The following CADM2 variants were observed in gnomAD, a reference collection of about 807,000 sequenced individuals.
CADM2 encodes the protein cell adhesion molecule 2, also known as immunoglobulin superfamily member 4D.
Under a neutral mutation model 49.8 loss-of-function variants are expected in CADM2, and 12 were observed. The observed-to-expected ratio is 0.24, with a 90% confidence interval of 0.15 to 0.39. The LOEUF (loss-of-function observed/expected upper bound fraction) is 0.39. Among genes scored for constraint, CADM2 ranks in the 10% least tolerant of loss-of-function variants. CADM2 has a pLI of 1.00. For synonymous variants in CADM2, 214 were observed against 175.4 expected (o/e 1.22, Z -1.74); for missense variants, 378 against 492.3 (o/e 0.77, Z 2.20).
intron 2 of CADM2, among the ~76,000 whole-genome samples, chr3:85,728,981 GA>G (rs1320132675): frequency 6.6e-6 from 1 of 152,090 alleles, no homozygotes; most frequent in Non-Finnish European, 1.5e-5. Flanking sequence ...CAGTAGCATA[GA>G]CATAATATAC....
At chr3:85,063,953 C>G (rs1195182310) in intron 1 of CADM2, among the ~76,000 whole-genome samples, 2 of 152,086 alleles carry the variant, frequency 1.3e-5, no homozygotes, top group African/African-American at 4.8e-5. Flanking sequence ...GGTCCCCTCC[C>G]CAGTAGGTTT....
At chr3:85,403,556 ATGCATGGTGAGATCT>A (rs1211573338) in intron 1 of CADM2, among the ~76,000 whole-genome samples, 1 of 152,264 alleles carries the variant, frequency 6.6e-6, no homozygotes, top group East Asian at 1.9e-4. Flanking sequence ...ATACAGAGAC[ATGCATGGTGAGATCT>A]TGCTCTTAAT....
chr3:85,933,195 TAAC>T (rs996858077), intron 6 of CADM2, among the ~76,000 whole-genome samples: 1 of 151,984 alleles, frequency 6.6e-6, no homozygotes, highest in African/African-American at 2.4e-5. Flanking sequence ...GCCTAGGAAA[TAAC>T]ACCTCCTCAC....
At chr3:85,898,736 A>G (rs149969763) in intron 5 of CADM2, among the ~76,000 whole-genome samples, 2 of 151,540 alleles carry the variant, frequency 1.3e-5, no homozygotes, top group African/African-American at 4.8e-5. Context: ...CAGGTTGTTT[A>G]TAGTTTGCAG....
intron 8 of CADM2, among the ~76,000 whole-genome samples, chr3:86,062,028 T>C (rs1228494411): frequency 6.6e-6 from 1 of 151,894 alleles, no homozygotes; most frequent in Admixed American, 6.6e-5. Flanking sequence ...GCAATGTACA[T>C]TGACAATATT....
intron 8 of CADM2, among the ~76,000 whole-genome samples, chr3:86,023,063 C>T (rs950192134): frequency 6.6e-5 from 10 of 152,106 alleles, no homozygotes; most frequent in African/African-American, 1.2e-4. Flanking sequence ...TTTTTTACTT[C>T]ATTTTACCCA....
intron 1 of CADM2, among the ~76,000 whole-genome samples, chr3:85,134,713 C>A (rs1427782025): frequency 6.6e-6 from 1 of 151,814 alleles, no homozygotes; most frequent in Non-Finnish European, 1.5e-5. Flanking sequence ...AATCGATTGT[C>A]CACCAAAGAT....
intron 3 of CADM2, among the ~76,000 whole-genome samples, chr3:85,820,703 G>A (rs981915645): frequency 2.0e-5 from 3 of 152,068 alleles, no homozygotes; most frequent in Admixed American, 2.0e-4. Context: ...TTACATGATA[G>A]CCAATTGGGT....
At chr3:85,939,444 T>C (rs1721566441) in intron 7 of CADM2, among the ~76,000 whole-genome samples, 1 of 136,266 alleles carries the variant, frequency 7.3e-6, no homozygotes, top group African/African-American at 2.7e-5. Context: ...GGCAGCAGCA[T>C]TCTCCATTTT....
intron 1 of CADM2, among the ~76,000 whole-genome samples, chr3:85,413,161 A>AAAAAAAAAATAATAAT (rs1553720239): frequency 1.8e-5 from 2 of 108,526 alleles, no homozygotes; most frequent in African/African-American, 8.1e-5. Flanking sequence ...AAAAAAAAAA[A>AAAAAAAAAATAATAAT]AATAATAATA....
intron 3 of CADM2, among the ~76,000 whole-genome samples, chr3:85,815,704 C>G (rs933082823): frequency 2.6e-5 from 4 of 152,132 alleles, no homozygotes; most frequent in Non-Finnish European, 5.9e-5. Context: ...GTTGGCCTCT[C>G]TCACCACTCC....
intron 1 of CADM2, among the ~76,000 whole-genome samples, chr3:85,673,413 T>C (rs1577062027): frequency 6.6e-6 from 1 of 151,792 alleles, no homozygotes; most frequent in South Asian, 2.1e-4. Flanking sequence ...CTTATGTGAG[T>C]GTTCTCATAG....
At chr3:85,126,477 A>G (rs1160679512) in intron 1 of CADM2, among the ~76,000 whole-genome samples, 1 of 152,174 alleles carries the variant, frequency 6.6e-6, no homozygotes, top group African/African-American at 2.4e-5. Context: ...AATTTTAAAT[A>G]TAAGAAACAT....
chr3:85,328,496 A>C (rs978166159), intron 1 of CADM2, among the ~76,000 whole-genome samples: 3 of 152,190 alleles, frequency 2.0e-5, no homozygotes, highest in Non-Finnish European at 2.9e-5. Flanking sequence ...CAGGACAGCC[A>C]ATGACAACTT....
At chr3:85,909,121 C>T (rs1157755406) in intron 5 of CADM2, among the ~76,000 whole-genome samples, 1 of 152,082 alleles carries the variant, frequency 6.6e-6, no homozygotes, top group Non-Finnish European at 1.5e-5. Context: ...TGACCTCACA[C>T]CGCTTTTGAT....
chr3:85,898,206 G>A (rs1715530260), intron 5 of CADM2, among the ~76,000 whole-genome samples: 1 of 152,118 alleles, frequency 6.6e-6, no homozygotes, highest in South Asian at 2.1e-4. Flanking sequence ...AGGTGTATAT[G>A]AGTGGTTGAG....
At chr3:85,757,174 C>G (rs913058930) in intron 2 of CADM2, among the ~76,000 whole-genome samples, 2 of 151,872 alleles carry the variant, frequency 1.3e-5, no homozygotes, top group African/African-American at 4.8e-5. Context: ...ACTTAGATAC[C>G]ACAATGACAA....
chr3:85,118,367 G>C (rs2038718679), intron 1 of CADM2, among the ~76,000 whole-genome samples: 1 of 152,092 alleles, frequency 6.6e-6, no homozygotes, highest in South Asian at 2.1e-4. Flanking sequence ...TGCTGATAAA[G>C]ATATACCCAA....
chr3:85,231,468 A>C (rs1315814326), intron 1 of CADM2, among the ~76,000 whole-genome samples: 1 of 152,108 alleles, frequency 6.6e-6, no homozygotes, highest in Non-Finnish European at 1.5e-5. Context: ...ATATAAGAGA[A>C]AAAAGGAAAA....
Sources: allele counts gnomAD v4.1 joint callset (sites outside exome capture counted in the v4.1 genomes callset), GRCh38; gene constraint gnomAD v4.1.1; transcripts MANE v1.5; gene names NCBI Gene and HGNC (gene_info 2026-07-23, HGNC 2026-07-21).